SMAP1: variants seen among roughly 807,000 people sequenced by gnomAD.
SMAP1 encodes stromal membrane-associated protein 1.
A neutral mutation model predicts 58.5 loss-of-function variants in SMAP1; 24 were observed. The ratio of observed to expected loss-of-function variants is 0.41; its 90% CI spans 0.30 to 0.58. The LOEUF is 0.58. SMAP1 is among the 20% of genes least tolerant of loss of function. SMAP1 has a pLI of 0.29. For missense variants in SMAP1, 563 were observed against 566.3 expected (o/e 0.99, Z 0.06); for synonymous variants, 216 against 196.6 (o/e 1.10, Z -0.82).
At chr6:70,799,525 A>C (rs1768756517) in intron 6 of SMAP1, among the ~76,000 whole-genome samples, 1 of 152,192 alleles carries the variant, frequency 6.6e-6, no homozygotes, top group Non-Finnish European at 1.5e-5. Flanking sequence ...AGAGTATGGA[A>C]TCATACTAAG....
chr6:70,789,126 T>A (rs1341035940), intron 4 of SMAP1, among the ~76,000 whole-genome samples: 1 of 152,212 alleles, frequency 6.6e-6, no homozygotes, highest in East Asian at 1.9e-4. Flanking sequence ...TCTGTTTCTT[T>A]ATTCGTTGCT....
chr6:70,725,427 C>T (rs1035312924), intron 1 of SMAP1, among the ~76,000 whole-genome samples: 8 of 151,718 alleles, frequency 5.3e-5, no homozygotes, highest in South Asian at 2.1e-4. Flanking sequence ...TGGCTTGTTT[C>T]CTGGTTTTCC....
chr6:70,706,204 T>A (rs142842742), intron 1 of SMAP1, among the ~76,000 whole-genome samples: 30 of 152,320 alleles, frequency 2.0e-4, no homozygotes, highest in Middle Eastern at 3.4e-3. Context: ...CTATTTTGAT[T>A]TTTTTAGAGA....
chr6:70,785,471 T>C (rs969252646), intron 4 of SMAP1, among the ~76,000 whole-genome samples: 4 of 151,622 alleles, frequency 2.6e-5, no homozygotes, highest in Middle Eastern at 3.2e-3. Context: ...CTGAAGGAAA[T>C]AGAGACACAA....
chr6:70,669,826 C>G (rs1053796345), intron 1 of SMAP1, among the ~76,000 whole-genome samples: 1 of 152,140 alleles, frequency 6.6e-6, no homozygotes, highest in African/African-American at 2.4e-5. Flanking sequence ...CATCTACAGA[C>G]TTTATTAAAA....
intron 4 of SMAP1, among the ~76,000 whole-genome samples, chr6:70,784,830 T>C (rs1440053980): frequency 6.6e-6 from 1 of 152,062 alleles, no homozygotes; most frequent in African/African-American, 2.4e-5. Context: ...ACATAAAGAC[T>C]TAGACTCCCA....
At chr6:70,814,126 T>G in intron 6 of SMAP1, among the ~76,000 whole-genome samples, 1 of 152,192 alleles carries the variant, frequency 6.6e-6, no homozygotes. Context: ...CTCCCTGGTT[T>G]GCTGCCTGCC....
chr6:70,835,585 C>G (rs1770547651), intron 6 of SMAP1, among the ~76,000 whole-genome samples: 1 of 152,168 alleles, frequency 6.6e-6, no homozygotes, highest in South Asian at 2.1e-4. Flanking sequence ...TAGCTCACTG[C>G]AGCCTTGACC....
At chr6:70,695,962 TG>T (rs1482872598) in intron 1 of SMAP1, among the ~76,000 whole-genome samples, 1 of 152,218 alleles carries the variant, frequency 6.6e-6, no homozygotes, top group Non-Finnish European at 1.5e-5. Flanking sequence ...TTCTTGTTAT[TG>T]GTCTATTTAG....
intron 3 of SMAP1, among the ~76,000 whole-genome samples, chr6:70,766,612 ATTTG>A (rs1235616090): frequency 2.0e-5 from 3 of 151,986 alleles, no homozygotes; most frequent in African/African-American, 7.3e-5. Context: ...TTTCTTGTAA[ATTTG>A]TTTGAGTTCA....
chr6:70,781,367 T>A (rs1281639182), intron 4 of SMAP1, among the ~76,000 whole-genome samples: 1 of 152,196 alleles, frequency 6.6e-6, no homozygotes, highest in Non-Finnish European at 1.5e-5. Flanking sequence ...ATGGGTTATA[T>A]ACTAATTTAG....
chr6:70,857,732 T>C (rs760332390), intron 9 of SMAP1, 190 bp from the exon 10 acceptor site: 1 of 596,186 alleles, frequency 1.7e-6, no homozygotes, highest in African/African-American at 1.9e-5. Context: ...AATAACTGAT[T>C]TGTCTGCATC....
intron 2 of SMAP1, among the ~76,000 whole-genome samples, chr6:70,743,652 CATT>C (rs1428296298): frequency 1.3e-5 from 2 of 152,146 alleles, no homozygotes; most frequent in Non-Finnish European, 2.9e-5. Flanking sequence ...AAGGATTTCT[CATT>C]ATAATTTGAT....
At position 70,678,219 on chromosome 6, in the gene SMAP1, C is replaced by A. The variant is rs186577629; in HGVS notation, c.118+10078C>A. 2.6e-5 allele frequency among the ~76,000 whole-genome samples: 4 copies of A among 152,210 alleles called. No homozygotes were observed. In the East Asian group the frequency reaches 7.7e-4, roughly 29 times the overall value. On this transcript the variant is annotated intron_variant, in intron 1 of 10. Coordinates refer to ENST00000370455, the MANE Select transcript of SMAP1 (RefSeq NM_001044305.3). ...CTATACCCCAGCAATTTTTGGTCTC[C>A]ATTTGACTAGAGATCCAAGTGATTG...
chr6:70,789,970 C>T lies in SMAP1; in HGVS notation c.415-1719C>T, dbSNP rs545521687. Among the ~76,000 whole-genome samples, 12 of 152,214 alleles carry T rather than the reference C, an allele frequency of 7.9e-5. No homozygotes were observed. In the South Asian group the frequency reaches 2.3e-3, roughly 29 times the overall value. On this transcript the variant is annotated intron_variant, in intron 4 of 10. Coordinates refer to ENST00000370455, the MANE Select transcript of SMAP1 (RefSeq NM_001044305.3). Reference sequence around the variant, plus strand: ...GCTTATCATCTTCTCAAATGGAGGACAAGCACTTATATAATGAATTATCTT... The same window carrying T: ...GCTTATCATCTTCTCAAATGGAGGATAAGCACTTATATAATGAATTATCTT...
intron 4 of SMAP1, among the ~76,000 whole-genome samples, chr6:70,776,520 C>A (rs4706463): frequency 0.43 from 66,000 of 151,968 alleles, 14,696 homozygotes; most frequent in South Asian, 0.5. Flanking sequence ...TCAGTATCAT[C>A]TAGCTTTTTG....
intron 9 of SMAP1, 183 bp from the exon 10 acceptor site, chr6:70,857,739 C>T: frequency 3.3e-6 from 2 of 603,610 alleles, no homozygotes; most frequent in East Asian, 2.8e-5. Context: ...GATTTGTCTG[C>T]ATCCTAGAAA....
chr6:70,808,686 A>AT (rs1003357479), intron 6 of SMAP1, among the ~76,000 whole-genome samples: 2 of 152,222 alleles, frequency 1.3e-5, no homozygotes, highest in Non-Finnish European at 2.9e-5. Flanking sequence ...ATAGGGACTG[A>AT]TTCCAAACAT....
intron 10 of SMAP1, chr6:70,859,246 TG>T: frequency 1.1e-6 from 1 of 912,168 alleles, no homozygotes; most frequent in South Asian, 1.8e-5. Flanking sequence ...GTCAGTCACA[TG>T]GTCAACATGC....
Sources: allele counts gnomAD v4.1 joint callset (sites outside exome capture counted in the v4.1 genomes callset), GRCh38; gene constraint gnomAD v4.1.1; transcripts MANE v1.5; gene names NCBI Gene and HGNC (gene_info 2026-07-23, HGNC 2026-07-21).